The following MCCC1 variants were observed in gnomAD, a reference collection of about 807,000 sequenced individuals.
MCCC1 encodes the protein methylcrotonyl-CoA carboxylase subunit 1.
Under a neutral mutation model 83.8 loss-of-function variants are expected in MCCC1, and 64 were observed. The observed-to-expected ratio is 0.76, with a 90% CI of 0.62 to 0.94. The LOEUF (loss-of-function observed/expected upper bound fraction) is 0.94. MCCC1 is among the 40% of genes least tolerant of loss of function. The pLI, the probability that MCCC1 is intolerant of heterozygous loss-of-function variation, is 0.00. For missense variants in MCCC1, 807 were observed against 904.7 expected (o/e 0.89, Z 1.39); for synonymous variants, 322 against 315.4 (o/e 1.02, Z -0.22).
At position 183,041,694 on chromosome 3, in the gene MCCC1, A is replaced by G; in HGVS notation, c.1140T>C (p.His380=). The G allele has an allele frequency of 6.2e-7, 1 of 1,614,234 alleles. No homozygotes were observed. Among genetic ancestry groups the G allele is most frequent in the Non-Finnish European group, 8.5e-7 (1 of 1,180,046 alleles). The change falls in exon 11 of 19, where the codon CAT becomes CAC. Residue 380 remains histidine, a synonymous_variant. Transcript: ENST00000265594. The part of the protein sequence containing the change: ...LSQEEITLQG[H]AFEARIYAED... ...CTGCATATATTCTAGCTTCGAAGGCATGGCCCTGCAGAGTTATTTCTTCCT... is the reference window on the plus strand; with the variant it reads ...CTGCATATATTCTAGCTTCGAAGGCGTGGCCCTGCAGAGTTATTTCTTCCT...
upstream of MCCC1, among the ~76,000 whole-genome samples, chr3:183,101,167 C>A (rs1401079213): frequency 6.6e-6 from 1 of 152,264 alleles, no homozygotes; most frequent in Non-Finnish European, 1.5e-5. Context: ...GCCCGCCATG[C>A]CTGAACCTCC....
intron 6 of MCCC1, 31 bp downstream of exon 6, chr3:183,071,179 A>G (rs763604861): frequency 1.2e-6 from 2 of 1,614,154 alleles, no homozygotes; most frequent in Admixed American, 3.3e-5. Context: ...GACAAGCCTG[A>G]ATTGGCAAAC....
upstream of MCCC1, among the ~76,000 whole-genome samples, chr3:183,101,778 T>C (rs1411391567): frequency 6.6e-6 from 1 of 152,160 alleles, no homozygotes; most frequent in Non-Finnish European, 1.5e-5. Flanking sequence ...ACTCTTTGGG[T>C]CCACGCTGCT....
rs200673204 is a variant in MCCC1 at position 183,094,564 on chromosome 3, G to A, written c.131C>T (p.Ala44Val). Residue 44 changes from alanine (A) to valine (V), a missense_variant, in exon 2 of 19, where the codon GCC (alanine) becomes GTC (valine). Ala to Val is a moderately conservative substitution (Grantham distance 64). Transcript: ENST00000265594. ...ACAACAAAGTCTGTCAGTACCTGTG[G>A]CTGTTGTGTACTTCATGGTTCTTTG... ...WRQRTMKYTT[A>V]TGRNITKVLI... 510 of 1,614,002 alleles carry A rather than the reference G, an allele frequency of 3.2e-4. 2 individuals are homozygous for A. The Middle Eastern group carries it at 4.5e-3, about 14-fold the overall frequency.
intron 1 of MCCC1, among the ~76,000 whole-genome samples, chr3:183,112,483 A>C (rs374200557): frequency 2.0e-5 from 3 of 151,812 alleles, no homozygotes; most frequent in East Asian, 4.0e-4. Context: ...CATGCATATG[A>C]GTTTTTCTCC....
chr3:183,060,229 A>AT (rs1466737653), intron 7 of MCCC1, among the ~76,000 whole-genome samples: 5 of 151,958 alleles, frequency 3.3e-5, no homozygotes, highest in African/African-American at 1.2e-4. Flanking sequence ...AGGATCACTG[A>AT]TTTTTGTTGT....
At chr3:183,078,047 C>G (rs982913307) in intron 4 of MCCC1, among the ~76,000 whole-genome samples, 3 of 152,106 alleles carry the variant, frequency 2.0e-5, no homozygotes, top group African/African-American at 4.8e-5. Flanking sequence ...TGAGACAGAG[C>G]CTCGCAGTGT....
intron 4 of MCCC1, among the ~76,000 whole-genome samples, chr3:183,082,463 C>T (rs148045521): frequency 1.3e-5 from 2 of 152,280 alleles, no homozygotes; most frequent in East Asian, 3.9e-4. Context: ...CTCTTAAGTC[C>T]ATTGTTTACT....
At chr3:183,066,591 C>T (rs1415500447) in intron 7 of MCCC1, among the ~76,000 whole-genome samples, 1 of 152,206 alleles carries the variant, frequency 6.6e-6, no homozygotes, top group Non-Finnish European at 1.5e-5. Context: ...GCATGAGCCA[C>T]CAAGCCCCAA....
chr3:183,067,480 A>G (rs1440532649), intron 7 of MCCC1, among the ~76,000 whole-genome samples: 1 of 152,248 alleles, frequency 6.6e-6, no homozygotes, highest in Admixed American at 6.5e-5. Context: ...CAGTCTTACC[A>G]TGATTTGTCT....
intron 3 of MCCC1, 82 bp downstream of exon 3, chr3:183,092,327 T>A: frequency 3.8e-6 from 6 of 1,560,860 alleles, no homozygotes; most frequent in African/African-American, 1.4e-5. Flanking sequence ...CTAGCAAATA[T>A]CAACTGTCAT....
chr3:183,073,163 C>T (rs1187898890), intron 4 of MCCC1, among the ~76,000 whole-genome samples: 2 of 152,156 alleles, frequency 1.3e-5, no homozygotes, highest in African/African-American at 4.8e-5. Flanking sequence ...TGTTTTGAGT[C>T]CCTGCTTTAA....
intron 11 of MCCC1, 142 bp downstream of exon 11, chr3:183,041,425 T>C: frequency 1.1e-6 from 1 of 883,216 alleles, no homozygotes; most frequent in Non-Finnish European, 1.7e-6. Context: ...CAAAAAGTAA[T>C]GGTTACTGAG....
At chr3:183,081,864 G>A (rs1044578316) in intron 4 of MCCC1, among the ~76,000 whole-genome samples, 3 of 152,194 alleles carry the variant, frequency 2.0e-5, no homozygotes, top group Admixed American at 6.5e-5. Context: ...CAGCCGGACA[G>A]GTGGGAGCCA....
upstream of MCCC1, chr3:183,099,667 G>A (rs368539340): frequency 2.3e-5 from 14 of 609,140 alleles, no homozygotes; most frequent in Non-Finnish European, 2.9e-5. Flanking sequence ...CCACGTGCTC[G>A]TGGGGGTGTG....
At chr3:183,102,386 CTG>C (rs1199465656), upstream of MCCC1, among the ~76,000 whole-genome samples, 5 of 152,108 alleles carry the variant, frequency 3.3e-5, no homozygotes, top group East Asian at 9.7e-4. Context: ...AAAAAAATAA[CTG>C]AAGTATCCTG....
intron 8 of MCCC1, among the ~76,000 whole-genome samples, chr3:183,055,118 A>C (rs1382918372): frequency 6.6e-6 from 1 of 152,072 alleles, no homozygotes; most frequent in African/African-American, 2.4e-5. Context: ...AAGGATAAAA[A>C]GCTGGCCGGG....
At chr3:183,037,632 C>G (rs973756839) in intron 12 of MCCC1, among the ~76,000 whole-genome samples, 198 bp from the exon 13 acceptor site, 4 of 152,160 alleles carry the variant, frequency 2.6e-5, no homozygotes, top group Non-Finnish European at 4.4e-5. Flanking sequence ...ATCACTATGT[C>G]CATCCGCTAT....
rs781123227 is a variant in MCCC1, at chr3:183,072,507, T to C, written c.370-20A>G. The C allele has an allele frequency of 1.2e-6, 2 of 1,612,418 alleles. No homozygotes were observed. The highest frequency in any genetic ancestry group is 2.7e-5 in the African/African-American group (2 of 74,824). On this transcript the variant is annotated intron_variant, in intron 4 of 18. Transcript: ENST00000265594. ...GATAGCCTAGAAATGAGAAATAAAA[T>C]AAAAAATTTACTCATCAGTGCTCAA... is the stretch of plus-strand genomic sequence containing the variant.
Sources: gnomAD v4.1 joint callset for allele counts (sites outside exome capture counted in the v4.1 genomes callset) on GRCh38, gnomAD v4.1.1 for gene constraint, MANE v1.5 for transcripts, NCBI Gene and HGNC (gene_info 2026-07-23, HGNC 2026-07-21) for gene names.